NFS1: variants seen among roughly 807,000 people sequenced by gnomAD.
NFS1 encodes the protein cysteine desulfurase.
In NFS1, 26 loss-of-function variants were observed where a neutral mutation model predicts 57.3. The ratio of observed to expected loss-of-function variants is 0.45; its 90% confidence interval spans 0.33 to 0.63. The LOEUF (loss-of-function observed/expected upper bound fraction) is 0.63. NFS1 is among the 20% of genes least tolerant of loss of function. The pLI, the probability that NFS1 is intolerant of heterozygous loss-of-function variation, is 0.02. For synonymous variants in NFS1, 209 were observed against 216.3 expected (o/e 0.97, Z 0.30); for missense variants, 505 against 605.8 (o/e 0.83, Z 1.75).
At chr20:35,691,311 G>A (rs2035035819) in intron 4 of NFS1, among the ~76,000 whole-genome samples, 2 of 151,912 alleles carry the variant, frequency 1.3e-5, no homozygotes, top group East Asian at 3.9e-4. Flanking sequence ...TTTTCTAGGT[G>A]CCAGTGATAT....
intron 5 of NFS1, among the ~76,000 whole-genome samples, chr20:35,688,012 G>T (rs961598511): frequency 2.0e-5 from 3 of 152,174 alleles, no homozygotes; most frequent in African/African-American, 7.2e-5. Context: ...GGGAGGCCAG[G>T]GTGGGCAGAT....
intron 12 of NFS1, among the ~76,000 whole-genome samples, chr20:35,671,674 G>C (rs2034656803): frequency 6.6e-6 from 1 of 152,060 alleles, no homozygotes; most frequent in Non-Finnish European, 1.5e-5. Flanking sequence ...AGGACTGCTT[G>C]AGCCCGGGAG....
At position 35,675,250 on chromosome 20, in the gene NFS1, TAAAAC is replaced by T. The variant is rs745780821; in HGVS notation, c.791-53_791-49del. 15 of 1,504,160 alleles carry T rather than the reference TAAAAC, an allele frequency of 1.0e-5. No individual in the cohort carries two copies. The African/African-American group carries it at 1.4e-4, about 14-fold the overall frequency. 93.2% of individuals were successfully genotyped at this position (1,504,160 alleles called of 1,614,324 possible). A position where few individuals can be genotyped will look rare whatever the true frequency, so the allele number is the denominator to read the frequency against. On this transcript the variant is annotated intron_variant, in intron 7 of 12. Coordinates refer to ENST00000374092, the MANE Select transcript of NFS1 (RefSeq NM_021100.5). ...AAAAACAGAAAGAGAGAAAAGTAGA[TAAAAC>T]AAAATATTTCTTTCCAAAGGGATCA...
At chr20:35,696,123 G>A (rs547947422) in intron 4 of NFS1, among the ~76,000 whole-genome samples, 2 of 152,228 alleles carry the variant, frequency 1.3e-5, no homozygotes, top group East Asian at 3.9e-4. Flanking sequence ...AAAACAAGTG[G>A]TTAATGGCCT....
At chr20:35,674,672 C>T (rs1238987379) in intron 8 of NFS1, 55 bp from the exon 9 acceptor site, 8 of 1,380,484 alleles carry the variant, frequency 5.8e-6, no homozygotes, top group African/African-American at 1.4e-5. Flanking sequence ...CTCAGAAAGA[C>T]AGTTTGAGAA....
rs755186532 is a variant in NFS1 at position 35,674,327 on chromosome 20, CCT to C, written c.1136+21_1136+22del. On this transcript the variant is annotated intron_variant, in intron 10 of 12. Transcript: ENST00000374092. The stretch of plus-strand genomic sequence containing the variant: ...TCTTCTAAGTGGCCCTGCCGCAGGC[CCT>C]GTCTATGCCGTCCAGCTCACCTCCC... 1.9e-6 allele frequency: 3 copies of C among 1,605,994 alleles called. No homozygotes were observed. In the East Asian group the frequency reaches 6.7e-5, roughly 36 times the overall value.
At chr20:35,674,951 C>A in intron 8 of NFS1, 94 bp downstream of exon 8, 1 of 1,536,042 alleles carries the variant, frequency 6.5e-7, no homozygotes, top group South Asian at 1.1e-5. Flanking sequence ...CCCTCTCTCC[C>A]TGCAGAGATC....
intron 4 of NFS1, chr20:35,694,640 G>A (rs2146438539): frequency 6.6e-6 from 1 of 152,078 alleles, no homozygotes; most frequent in East Asian, 1.9e-4. Flanking sequence ...ATGGTTGTGG[G>A]GCACTTTGGG....
intron 8 of NFS1, 53 bp downstream of exon 8, chr20:35,674,992 A>T: frequency 6.2e-7 from 1 of 1,609,890 alleles, no homozygotes. Flanking sequence ...GCCTCTAAAT[A>T]GGAGACCCAG....
chr20:35,697,049 T>A (rs1467369373), intron 3 of NFS1, among the ~76,000 whole-genome samples: 1 of 152,174 alleles, frequency 6.6e-6, no homozygotes, highest in Non-Finnish European at 1.5e-5. Flanking sequence ...GAGGTTGCAG[T>A]GAGCCGAGAT....
chr20:35,686,119 C>T (rs1160779897), intron 5 of NFS1, among the ~76,000 whole-genome samples: 3 of 151,044 alleles, frequency 2.0e-5, no homozygotes, highest in Non-Finnish European at 3.0e-5. Context: ...TTAGTAGAGA[C>T]GGGGTTTCAC....
intron 4 of NFS1, among the ~76,000 whole-genome samples, chr20:35,691,584 T>A: frequency 6.9e-6 from 1 of 145,414 alleles, no homozygotes. Context: ...CTACTAAAAA[T>A]TAAAAAATAA....
At chr20:35,669,752 G>C (rs914826177) in intron 12 of NFS1, 67 bp from the exon 13 acceptor site, 19 of 1,462,410 alleles carry the variant, frequency 1.3e-5, no homozygotes, top group Non-Finnish European at 1.8e-5. Flanking sequence ...TTGGCCCCAA[G>C]GCTCTGAGCA....
chr20:35,681,701 G>GA (rs957069910), intron 6 of NFS1, among the ~76,000 whole-genome samples, 187 bp downstream of exon 6: 57 of 148,106 alleles, frequency 3.8e-4, no homozygotes, highest in East Asian at 7.9e-4. Context: ...CTGTCTCAAT[G>GA]AAAAAAAAAA....
intron 7 of NFS1, among the ~76,000 whole-genome samples, chr20:35,678,277 C>T (rs949798688): frequency 1.3e-5 from 2 of 152,112 alleles, no homozygotes; most frequent in Non-Finnish European, 2.9e-5. Flanking sequence ...ATGTCGTGAA[C>T]CCTGGAGGCG....
In NFS1 at chr20:35,672,746, T is replaced by TA; in HGVS notation, c.1310+8dup. On this transcript the variant is annotated intron_variant, in intron 12 of 12. Coordinates refer to ENST00000374092, the MANE Select transcript of NFS1 (RefSeq NM_021100.5). ...TTCTTCCAAAGCGTCTCTGATACAA[T>TA]ATGTATACCTCATTTCTCGAAGACG... The TA allele has an allele frequency of 6.4e-7, 1 of 1,574,774 alleles. No homozygotes were observed. The highest frequency in any genetic ancestry group is 2.2e-5 in the East Asian group (1 of 44,704).
intron 8 of NFS1, 99 bp downstream of exon 8, chr20:35,674,946 T>A (rs2034715351): frequency 6.6e-7 from 1 of 1,514,746 alleles, no homozygotes; most frequent in Non-Finnish European, 9.1e-7. Flanking sequence ...TTAAGCCCTC[T>A]CTCCCTGCAG....
chr20:35,687,913 T>G (rs536910172), intron 5 of NFS1, among the ~76,000 whole-genome samples: 10 of 152,062 alleles, frequency 6.6e-5, no homozygotes, highest in African/African-American at 1.7e-4. Flanking sequence ...GCCTGGAGAA[T>G]GTACTGAGAT....
chr20:35,676,651 T>C lies in NFS1; in HGVS notation c.791-1449A>G, dbSNP rs1221015971. ...AAACAGTGAGTACAGTATGCTATCA[T>C]CTGGATAAAAAAGAAAGCTGGAGGA... On this transcript the variant is annotated intron_variant, in intron 7 of 12. Coordinates refer to ENST00000374092, the MANE Select transcript of NFS1 (RefSeq NM_021100.5). Among the ~76,000 whole-genome samples the C allele has an allele frequency of 4.7e-5, 7 of 150,046 alleles. No individual in the cohort carries two copies. In the Admixed American group the frequency reaches 4.7e-4, roughly 10 times the overall value.
Sources: gnomAD v4.1 joint callset for allele counts (sites outside exome capture counted in the v4.1 genomes callset) on GRCh38, gnomAD v4.1.1 for gene constraint, MANE v1.5 for transcripts, NCBI Gene and HGNC (gene_info 2026-07-23, HGNC 2026-07-21) for gene names.